The following CDC25A variants were observed in gnomAD, a reference collection of about 807,000 sequenced individuals.
CDC25A encodes the protein M-phase inducer phosphatase 1.
Under a neutral mutation model 64.6 loss-of-function variants are expected in CDC25A, and 17 were observed. The ratio of observed to expected loss-of-function variants is 0.26; its 90% CI spans 0.18 to 0.39. The LOEUF (loss-of-function observed/expected upper bound fraction) is 0.39, where lower values mean the gene tolerates loss of function less well. Ranked by LOEUF, CDC25A falls within the 10% of genes least tolerant of loss-of-function variation. CDC25A has a pLI of 1.00. For synonymous variants in CDC25A, 229 were observed against 238.6 expected (o/e 0.96, Z 0.37); for missense variants, 473 against 654.8 (o/e 0.72, Z 3.03).
chr3:48,169,754 T>C (rs2032197216), intron 9 of CDC25A, among the ~76,000 whole-genome samples: 1 of 152,200 alleles, frequency 6.6e-6, no homozygotes, highest in African/African-American at 2.4e-5. Flanking sequence ...ATGCCTGTAA[T>C]CCCAGCACTT....
At chr3:48,162,929 T>C (rs1343485471) in intron 13 of CDC25A, among the ~76,000 whole-genome samples, 4 of 150,938 alleles carry the variant, frequency 2.7e-5, no homozygotes, top group Admixed American at 6.6e-5. Flanking sequence ...GGAGAGAGGA[T>C]TGCTTGAGGC....
In CDC25A at chr3:48,167,919, G is replaced by A; in HGVS notation, c.956C>T (p.Ala319Val). ...HETLHQSLSLASSPKGTIENI... is the reference protein window; with the variant it reads ...HETLHQSLSLVSSPKGTIENI... ...CTCAATGGTTCCTTTGGGGGAAGAT[G>A]CCAGGGATAAAGACTGATGAAGAGT... Residue 319 changes from alanine (A) to valine (V), a missense_variant, in exon 10 of 15, where the codon GCA becomes GTA. Transcript: ENST00000302506. 2 of 1,608,168 alleles carry A rather than the reference G, an allele frequency of 1.2e-6. No homozygotes were observed. The highest frequency in any genetic ancestry group is 1.7e-6 in the Non-Finnish European group (2 of 1,174,664).
chr3:48,163,602 CA>C (rs1329343758), intron 13 of CDC25A, among the ~76,000 whole-genome samples: 217 of 140,516 alleles, frequency 1.5e-3, no homozygotes, highest in Non-Finnish European at 1.8e-3. Flanking sequence ...AAAACTCCGT[CA>C]AAAAAAAAAA....
chr3:48,159,044 C>T lies in CDC25A; in HGVS notation c.1476G>A (p.Glu492=). The T allele has an allele frequency of 1.2e-6, 2 of 1,614,100 alleles. No homozygotes were observed. The highest frequency in any genetic ancestry group is 1.7e-6 in the Non-Finnish European group (2 of 1,180,008). ...EPPSYRPMHH[E]DFKEDLKKFR... ...ACTTCTTCAGGTCTTCTTTAAAGTCCTCGTGGTGCATGGGCCGGTAGCTAG... is the reference window on the plus strand; with the variant it reads ...ACTTCTTCAGGTCTTCTTTAAAGTCTTCGTGGTGCATGGGCCGGTAGCTAG... The change falls in exon 15 of 15, where the codon GAG becomes GAA. Residue 492 remains glutamate, a synonymous_variant. Coordinates refer to ENST00000302506, the MANE Select transcript of CDC25A (RefSeq NM_001789.3).
chr3:48,187,928 G>A lies in CDC25A; in HGVS notation c.20C>T (p.Pro7Leu). The A allele has an allele frequency of 6.6e-7, 1 of 1,526,714 alleles. No homozygotes were observed. Among genetic ancestry groups the A allele is most frequent in the Non-Finnish European group, 8.8e-7 (1 of 1,139,794 alleles). 94.6% of individuals were successfully genotyped at this position (1,526,714 alleles called of 1,614,324 possible). The change falls in exon 1 of 15, where the codon CCC becomes CTC. Residue 7 changes from proline (P) to leucine (L), a missense_variant. By Grantham distance (98) the Pro-to-Leu change is moderately conservative (BLOSUM62 -3). Coordinates refer to ENST00000302506, the MANE Select transcript of CDC25A (RefSeq NM_001789.3). The part of the protein sequence containing the change: MELGPE[P>L]PHRRRLLFAC... ...GAAGAGCAGGCGGCGGCGGTGCGGGGGCTCCGGGCCCAGTTCCATGGCGGC... is the reference window on the plus strand; with the variant it reads ...GAAGAGCAGGCGGCGGCGGTGCGGGAGCTCCGGGCCCAGTTCCATGGCGGC...
chr3:48,187,873 G>C lies in CDC25A; in HGVS notation c.75C>G (p.Pro25=). 1 of 1,547,418 alleles carries C rather than the reference G, an allele frequency of 6.5e-7. No homozygotes were observed. Among genetic ancestry groups the C allele is most frequent in the Non-Finnish European group, 8.7e-7 (1 of 1,145,846 alleles). The change falls in exon 1 of 15, where the codon CCC becomes CCG. Residue 25 remains proline (P), a synonymous_variant. Coordinates refer to ENST00000302506, the MANE Select transcript of CDC25A (RefSeq NM_001789.3). ...AAGCGCCAAATAGCGCCTTCACGAC[G>C]GGCTGCGACGCGGGAGGGGGGCTGC... ...FACSPPPASQ[P]VVKALFGASA... is the part of the protein sequence containing the mutation.
intron 9 of CDC25A, among the ~76,000 whole-genome samples, chr3:48,168,295 T>C (rs574333962): frequency 4.7e-5 from 7 of 149,470 alleles, no homozygotes; most frequent in Non-Finnish European, 8.9e-5. Flanking sequence ...CAGACCAGCC[T>C]GGGCAAGGCA....
chr3:48,187,039 T>C (rs1399145939), intron 1 of CDC25A, among the ~76,000 whole-genome samples: 1 of 152,198 alleles, frequency 6.6e-6, no homozygotes, highest in Non-Finnish European at 1.5e-5. Flanking sequence ...GGGTATTTCC[T>C]AAAATAAAAG....
Position 48,165,752 on chromosome 3 carries a change from G to T in CDC25A, c.1093-18C>A. 1 of 1,604,622 alleles carries T rather than the reference G, an allele frequency of 6.2e-7. No homozygotes were observed. Among genetic ancestry groups the T allele is most frequent in the Non-Finnish European group, 8.5e-7 (1 of 1,171,434 alleles). On this transcript the variant is annotated intron_variant, in intron 11 of 14. Coordinates refer to ENST00000302506, the MANE Select transcript of CDC25A (RefSeq NM_001789.3). ...GATGCCATCTGTTGAGAGAAAATTAGGGAGAATCAACTTTGACCGTCAGGG... is the reference window on the plus strand; with the variant it reads ...GATGCCATCTGTTGAGAGAAAATTATGGAGAATCAACTTTGACCGTCAGGG...
intron 9 of CDC25A, among the ~76,000 whole-genome samples, chr3:48,171,596 G>A (rs1041468014): frequency 1.3e-5 from 2 of 151,724 alleles, no homozygotes; most frequent in East Asian, 2.0e-4. Flanking sequence ...GGCCAGGCTG[G>A]TATGGAACTC....
intron 13 of CDC25A, among the ~76,000 whole-genome samples, chr3:48,159,777 C>T (rs534638155): frequency 6.6e-6 from 1 of 152,302 alleles, no homozygotes; most frequent in African/African-American, 2.4e-5. Flanking sequence ...TTTCTCCACC[C>T]CAGCCTTCTC....
At chr3:48,186,609 C>G (rs925594939) in intron 2 of CDC25A, 94 bp downstream of exon 2, 1 of 683,382 alleles carries the variant, frequency 1.5e-6, no homozygotes. Flanking sequence ...AATGCCATGA[C>G]TTCCTCAAGT....
intron 10 of CDC25A, among the ~76,000 whole-genome samples, chr3:48,167,173 A>T (rs915467586): frequency 6.6e-6 from 1 of 152,218 alleles, no homozygotes; most frequent in Non-Finnish European, 1.5e-5. Flanking sequence ...CACATGCTAA[A>T]TTCTTTGAGG....
chr3:48,182,063 T>C (rs1460664927), intron 5 of CDC25A, among the ~76,000 whole-genome samples: 1 of 152,162 alleles, frequency 6.6e-6, no homozygotes, highest in East Asian at 1.9e-4. Context: ...GAGAAGCTAT[T>C]TCGGGGGAAA....
rs373785352 is a variant in CDC25A, at chr3:48,164,031, TCA to T, written c.1322+274_1322+275del. Among the ~76,000 whole-genome samples the T allele has an allele frequency of 2.5e-3, 382 of 152,282 alleles. 2 individuals carry two copies. The highest frequency in any genetic ancestry group is 8.7e-3 in the African/African-American group (363 of 41,544). On this transcript the variant is annotated intron_variant, in intron 13 of 14. Transcript: ENST00000302506. ...TATGAGGTTTTACAGAATGAGAACT[TCA>T]CACTTTTCTGGCATTTGCATAAGGA...
intron 6 of CDC25A, among the ~76,000 whole-genome samples, chr3:48,179,262 G>A (rs147201382): frequency 6.6e-6 from 1 of 152,268 alleles, no homozygotes; most frequent in African/African-American, 2.4e-5. Flanking sequence ...ACATTTGTGA[G>A]GTATGTTCTG....
chr3:48,172,995 G>A (rs936052311), intron 9 of CDC25A, among the ~76,000 whole-genome samples: 17 of 151,996 alleles, frequency 1.1e-4, no homozygotes, highest in Admixed American at 1.0e-3. Context: ...TGAGGCGGGC[G>A]GATCACAAGG....
In CDC25A at chr3:48,158,732, G is replaced by A. The variant is rs1223333103; in HGVS notation, c.*213C>T. On this transcript the variant is annotated 3_prime_UTR_variant, in exon 15 of 15. Coordinates refer to ENST00000302506, the MANE Select transcript of CDC25A (RefSeq NM_001789.3). The stretch of plus-strand genomic sequence containing the variant: ...ATTGTGGCACAGTTCTGATATGGAC[G>A]GAGGACGTCTAACAGGGACAGAAGA... The A allele has an allele frequency of 2.1e-5, 12 of 568,810 alleles. No homozygotes were observed. Among genetic ancestry groups the A allele is most frequent in the East Asian group, 1.8e-4 (6 of 33,734 alleles). The allele number at this position is 568,810 out of a possible 1,614,324, so 35.2% of individuals were successfully genotyped here.
chr3:48,175,674 A>G (rs2032429072), intron 8 of CDC25A, among the ~76,000 whole-genome samples: 1 of 152,196 alleles, frequency 6.6e-6, no homozygotes, highest in Non-Finnish European at 1.5e-5. Context: ...CCCCACTATT[A>G]AGAGCTTACA....
Sources: gnomAD v4.1 joint callset for allele counts (sites outside exome capture counted in the v4.1 genomes callset) on GRCh38, gnomAD v4.1.1 for gene constraint, MANE v1.5 for transcripts, NCBI Gene and HGNC (gene_info 2026-07-23, HGNC 2026-07-21) for gene names.